C8orf34: variants seen among roughly 807,000 people sequenced by gnomAD.
C8orf34 encodes chromosome 8 open reading frame 34, also known as uncharacterized protein C8orf34.
C8orf34 carries 65 observed loss-of-function variants against 68.3 expected under a neutral mutation model. The ratio of observed to expected loss-of-function variants is 0.95; its 90% CI spans 0.78 to 1.17. The LOEUF (loss-of-function observed/expected upper bound fraction) is 1.17. Ranked by LOEUF, C8orf34 falls within the 50% of genes most tolerant of loss-of-function variation. C8orf34 has a pLI of 0.00. For synonymous variants in C8orf34, 244 were observed against 241.2 expected (o/e 1.01, Z -0.11); for missense variants, 664 against 655.4 (o/e 1.01, Z -0.14).
chr8:68,689,245 G>A (rs996817386), intron 8 of C8orf34, among the ~76,000 whole-genome samples: 2 of 152,084 alleles, frequency 1.3e-5, no homozygotes, highest in African/African-American at 4.8e-5. Flanking sequence ...ACTCGATGGA[G>A]GGGGAGTGTT....
intron 1 of C8orf34, among the ~76,000 whole-genome samples, chr8:68,429,135 T>G (rs1473588751): frequency 2.0e-5 from 3 of 152,088 alleles, no homozygotes; most frequent in Non-Finnish European, 2.9e-5. Context: ...AACTATTAAG[T>G]GAATGAAAAG....
intron 7 of C8orf34, among the ~76,000 whole-genome samples, chr8:68,591,516 G>A (rs1817387123): frequency 6.6e-6 from 1 of 152,098 alleles, no homozygotes; most frequent in East Asian, 1.9e-4. Flanking sequence ...ATAAACAGTA[G>A]GTCCTGTAAA....
At chr8:68,723,506 A>C (rs948770164) in intron 10 of C8orf34, among the ~76,000 whole-genome samples, 2 of 152,136 alleles carry the variant, frequency 1.3e-5, no homozygotes, top group African/African-American at 2.4e-5. Flanking sequence ...GTTGGAAAAA[A>C]TATTATTTGG....
intron 11 of C8orf34, among the ~76,000 whole-genome samples, chr8:68,780,086 G>A (rs73683721): frequency 0.086 from 13,144 of 152,110 alleles, 665 homozygotes; most frequent in African/African-American, 0.13. Context: ...ATTATAAATC[G>A]ATGGAAAAAT....
chr8:68,629,061 T>C (rs1315999187), intron 7 of C8orf34, among the ~76,000 whole-genome samples: 1 of 152,198 alleles, frequency 6.6e-6, no homozygotes, highest in Non-Finnish European at 1.5e-5. Flanking sequence ...CTCTCTTCTT[T>C]ATAAGTTCTT....
intron 1 of C8orf34, among the ~76,000 whole-genome samples, chr8:68,372,848 G>C (rs993462924): frequency 6.6e-6 from 1 of 152,186 alleles, no homozygotes; most frequent in African/African-American, 2.4e-5. Context: ...GAGAACATGC[G>C]ATGTTTGGTT....
At chr8:68,755,935 C>T (rs956291402) in intron 10 of C8orf34, among the ~76,000 whole-genome samples, 92 of 151,746 alleles carry the variant, frequency 6.1e-4, no homozygotes, top group Non-Finnish European at 1.1e-3. Flanking sequence ...GGCGTGATGG[C>T]GGGCGCCTGT....
chr8:68,468,911 T>A, intron 4 of C8orf34, 91 bp downstream of exon 4: 1 of 1,371,908 alleles, frequency 7.3e-7, no homozygotes, highest in Non-Finnish European at 9.9e-7. Context: ...ATTTCTAACA[T>A]CCTCATTCTA....
chr8:68,703,839 C>T (rs987175526), intron 8 of C8orf34, among the ~76,000 whole-genome samples: 4 of 152,068 alleles, frequency 2.6e-5, no homozygotes, highest in Admixed American at 6.6e-5. Context: ...AACAACCACT[C>T]ACACATAAGC....
chr8:68,794,505 A>ATATATATATTTTTTTTTT (rs1313909362), intron 12 of C8orf34, among the ~76,000 whole-genome samples: 1 of 62,236 alleles, frequency 1.6e-5, no homozygotes, highest in African/African-American at 1.2e-4. Flanking sequence ...ATATATATAT[A>ATATATATATTTTTTTTTT]TTTTTTTTTT....
intron 1 of C8orf34, among the ~76,000 whole-genome samples, chr8:68,332,907 T>A (rs1471190652): frequency 6.6e-6 from 1 of 152,186 alleles, no homozygotes; most frequent in African/African-American, 2.4e-5. Flanking sequence ...GATTATTGAT[T>A]ATACATAATC....
At chr8:68,624,820 C>T (rs1038356157) in intron 7 of C8orf34, among the ~76,000 whole-genome samples, 12 of 151,976 alleles carry the variant, frequency 7.9e-5, no homozygotes, top group Non-Finnish European at 1.5e-4. Context: ...ACTGCAGCCT[C>T]GACCTCTGGG....
At chr8:68,498,526 C>T (rs1051661173) in intron 5 of C8orf34, among the ~76,000 whole-genome samples, 6 of 152,096 alleles carry the variant, frequency 3.9e-5, no homozygotes, top group Admixed American at 6.5e-5. Flanking sequence ...GAGAACAGCA[C>T]CACAGTCTGA....
At chr8:68,332,928 T>G (rs1805692368) in intron 1 of C8orf34, among the ~76,000 whole-genome samples, 1 of 152,236 alleles carries the variant, frequency 6.6e-6, no homozygotes, top group Non-Finnish European at 1.5e-5. Context: ...CTATATAATT[T>G]TTTTAAAGGC....
At chr8:68,769,505 TATTC>T (rs1823279372) in intron 10 of C8orf34, among the ~76,000 whole-genome samples, 1 of 152,076 alleles carries the variant, frequency 6.6e-6, no homozygotes, top group South Asian at 2.1e-4. Context: ...AAAATATACT[TATTC>T]ATGTGTATTT....
chr8:68,705,170 A>G (rs1172902107), intron 8 of C8orf34, among the ~76,000 whole-genome samples: 1 of 152,172 alleles, frequency 6.6e-6, no homozygotes, highest in Non-Finnish European at 1.5e-5. Flanking sequence ...TCTTGCATAC[A>G]AGTAATATGT....
chr8:68,789,738 CTTGT>C (rs1226645115), intron 12 of C8orf34, among the ~76,000 whole-genome samples: 6 of 151,924 alleles, frequency 3.9e-5, no homozygotes, highest in South Asian at 2.1e-4. Context: ...TTTTTTCCAA[CTTGT>C]TTATCAGGAC....
intron 8 of C8orf34, among the ~76,000 whole-genome samples, chr8:68,683,944 C>G (rs1462786132): frequency 6.6e-6 from 1 of 152,108 alleles, no homozygotes; most frequent in African/African-American, 2.4e-5. Flanking sequence ...ACATTGTGCT[C>G]ACCCACAAAA....
chr8:68,640,587 G>A, intron 8 of C8orf34, 76 bp downstream of exon 8: 2 of 1,381,738 alleles, frequency 1.4e-6, no homozygotes, highest in South Asian at 1.3e-5. Flanking sequence ...TACAAAGATT[G>A]TACTCTTCTG....
Sources: allele counts gnomAD v4.1 joint callset (sites outside exome capture counted in the v4.1 genomes callset), GRCh38; gene constraint gnomAD v4.1.1; transcripts MANE v1.5; gene names NCBI Gene and HGNC (gene_info 2026-07-23, HGNC 2026-07-21).